CYP7B1: variants seen among roughly 807,000 people sequenced by gnomAD.
The protein encoded by CYP7B1 is cytochrome P450 7B1.
Under a neutral mutation model 42.7 loss-of-function variants are expected in CYP7B1, and 29 were observed. That is an observed-to-expected ratio of 0.68 (90% CI 0.51 to 0.93). The LOEUF is 0.93. Among genes scored for constraint, CYP7B1 ranks in the 40% least tolerant of loss-of-function variants. The probability of loss-of-function intolerance (pLI) is 0.00; values close to 1 mark genes in which losing one functional copy is unlikely to be tolerated. For missense variants in CYP7B1, 655 were observed against 600.5 expected, an observed-to-expected ratio of 1.09 and a Z score of -0.95; for synonymous variants, 235 against 218.2, an observed-to-expected ratio of 1.08 and a Z score of -0.68.
At chr8:64,703,358 C>A (rs978653828) in intron 1 of CYP7B1, among the ~76,000 whole-genome samples, 7 of 151,876 alleles carry the variant, frequency 4.6e-5, no homozygotes, top group Non-Finnish European at 1.0e-4. Flanking sequence ...ACAGCATAAC[C>A]CCTTACACCA....
intron 1 of CYP7B1, among the ~76,000 whole-genome samples, chr8:64,780,736 TC>T (rs1804407534): frequency 6.6e-6 from 1 of 152,140 alleles, no homozygotes; most frequent in South Asian, 2.1e-4. Context: ...CACAAAAACC[TC>T]CTACAAGAAG....
At chr8:64,676,140 C>T (rs879916473) in intron 1 of CYP7B1, among the ~76,000 whole-genome samples, 2 of 152,080 alleles carry the variant, frequency 1.3e-5, no homozygotes, top group Non-Finnish European at 2.9e-5. Context: ...AATATTTGTC[C>T]AATTAACCTA....
chr8:64,718,156 A>G (rs945690662), intron 1 of CYP7B1, among the ~76,000 whole-genome samples: 1 of 152,074 alleles, frequency 6.6e-6, no homozygotes, highest in African/African-American at 2.4e-5. Flanking sequence ...AGTATAAATC[A>G]CTGACTTCAG....
At chr8:64,621,783 T>C (rs890887658) in intron 2 of CYP7B1, among the ~76,000 whole-genome samples, 3 of 150,844 alleles carry the variant, frequency 2.0e-5, no homozygotes, top group Non-Finnish European at 4.4e-5. Flanking sequence ...GTCAACAGGC[T>C]GGAGTGCAGT....
At chr8:64,632,900 A>T (rs2129630765) in intron 1 of CYP7B1, among the ~76,000 whole-genome samples, 1 of 152,258 alleles carries the variant, frequency 6.6e-6, no homozygotes, top group Non-Finnish European at 1.5e-5. Context: ...AGAAAGGAAG[A>T]TGAAAAGAAA....
intron 1 of CYP7B1, among the ~76,000 whole-genome samples, chr8:64,676,762 C>T (rs953541515): frequency 6.6e-6 from 1 of 151,956 alleles, no homozygotes; most frequent in Non-Finnish European, 1.5e-5. Context: ...TCATTTGCTC[C>T]CGTTTTCTTT....
intron 1 of CYP7B1, among the ~76,000 whole-genome samples, chr8:64,747,342 C>T (rs921876661): frequency 6.7e-6 from 1 of 149,824 alleles, no homozygotes; most frequent in African/African-American, 2.4e-5. Flanking sequence ...GACCTTTGAA[C>T]AAGGTAGAGG....
intron 1 of CYP7B1, among the ~76,000 whole-genome samples, chr8:64,689,792 T>C (rs1332196315): frequency 2.0e-5 from 3 of 152,054 alleles, no homozygotes; most frequent in Non-Finnish European, 4.4e-5. Flanking sequence ...GCTCTCGAAC[T>C]CCTAACCTCA....
intron 4 of CYP7B1, among the ~76,000 whole-genome samples, chr8:64,611,930 T>C (rs1805369543): frequency 6.6e-6 from 1 of 152,130 alleles, no homozygotes; most frequent in Admixed American, 6.6e-5. Flanking sequence ...AGGTTAAATG[T>C]CATTTTGGTG....
Position 64,615,310 on chromosome 8 carries a change from T to A in CYP7B1, c.851-78A>T, listed in dbSNP as rs191878063. The A allele has an allele frequency of 3.2e-5, 46 of 1,426,434 alleles. No individual in the cohort carries two copies. The African/African-American group carries it at 4.5e-4, about 14-fold the overall frequency. The allele number at this position is 1,426,434 out of a possible 1,614,324, so 88.4% of individuals were successfully genotyped here. On this transcript the variant is annotated intron_variant, in intron 3 of 5. Transcript: ENST00000310193. ...GATTTGCAGTGTGCTAATTAAAAGA[T>A]GTTAGGACACAGACCCAGCCAAGGA...
intron 1 of CYP7B1, among the ~76,000 whole-genome samples, chr8:64,737,796 T>G (rs946826909): frequency 6.6e-6 from 1 of 152,202 alleles, no homozygotes; most frequent in South Asian, 2.1e-4. Context: ...GTTTGTTTGG[T>G]TTTTGTTCTT....
intron 1 of CYP7B1, among the ~76,000 whole-genome samples, chr8:64,669,438 C>T (rs1806332281): frequency 6.6e-6 from 1 of 151,928 alleles, no homozygotes; most frequent in South Asian, 2.1e-4. Flanking sequence ...GAGCTTGGGG[C>T]AGGGGCAGGG....
At chr8:64,759,270 C>G (rs1305304681) in intron 1 of CYP7B1, among the ~76,000 whole-genome samples, 3 of 152,172 alleles carry the variant, frequency 2.0e-5, no homozygotes, top group Non-Finnish European at 4.4e-5. Flanking sequence ...GGACAAAATG[C>G]AAGAGGTCAT....
At chr8:64,707,488 T>C (rs1332369455) in intron 1 of CYP7B1, among the ~76,000 whole-genome samples, 1 of 152,066 alleles carries the variant, frequency 6.6e-6, no homozygotes, top group Non-Finnish European at 1.5e-5. Flanking sequence ...ACAATCAGAC[T>C]ACAGCAGTTT....
rs139816673 is a variant in CYP7B1 at position 64,604,833 on chromosome 8, C to T, written c.1082G>A (p.Arg361Gln). The T allele has an allele frequency of 3.1e-6, 5 of 1,613,970 alleles. No homozygotes were observed. Among genetic ancestry groups the T allele is most frequent in the African/African-American group, 2.7e-5 (2 of 75,004 alleles). The change falls in exon 5 of 6, where the codon CGA (arginine) becomes CAA (glutamine). Residue 361 changes from arginine to glutamine, a missense_variant. Arg to Gln is a conservative substitution (Grantham distance 43). Coordinates refer to ENST00000310193, the MANE Select transcript of CYP7B1 (RefSeq NM_004820.5). The part of the protein sequence containing the change: ...CLESSIFEAL[R>Q]LSSYSTTIRF... ...AATGGTGGTTGAATATGAGGACAGT[C>T]GTAAAGCTTCAAAAATGCTGCTTTC...
chr8:64,635,172 T>C (rs1805752194), intron 1 of CYP7B1, among the ~76,000 whole-genome samples: 1 of 152,230 alleles, frequency 6.6e-6, no homozygotes. Context: ...AATATTTGTT[T>C]ACTGCAAGAA....
In CYP7B1 at chr8:64,708,924, T is replaced by C. The variant is rs1170288435; in HGVS notation, c.123-84385A>G. Among the ~76,000 whole-genome samples the C allele has an allele frequency of 3.3e-5, 5 of 152,198 alleles. No homozygotes were observed. The East Asian group carries it at 9.6e-4, about 29-fold the overall frequency. ...TGTATCTAGATGAAAGTACTTTCCATAGATAACACCATTAGTTCTCCCTCA... is the reference window on the plus strand; with the variant it reads ...TGTATCTAGATGAAAGTACTTTCCACAGATAACACCATTAGTTCTCCCTCA... On this transcript the variant is annotated intron_variant, in intron 1 of 5. Transcript: ENST00000310193.
At chr8:64,694,901 C>G (rs1319403956) in intron 1 of CYP7B1, among the ~76,000 whole-genome samples, 1 of 152,192 alleles carries the variant, frequency 6.6e-6, no homozygotes, top group Non-Finnish European at 1.5e-5. Context: ...TCTGTAATAA[C>G]AAACTGCAGT....
chr8:64,721,594 C>T (rs968098205), intron 1 of CYP7B1, among the ~76,000 whole-genome samples: 12 of 152,082 alleles, frequency 7.9e-5, no homozygotes, highest in South Asian at 4.1e-4. Flanking sequence ...ACAGTATTAG[C>T]GATAGGACTT....
Sources: allele counts gnomAD v4.1 joint callset (sites outside exome capture counted in the v4.1 genomes callset), GRCh38; gene constraint gnomAD v4.1.1; transcripts MANE v1.5; gene names NCBI Gene and HGNC (gene_info 2026-07-23, HGNC 2026-07-21).